The following ARID2 variants were observed in gnomAD, a reference collection of about 807,000 sequenced individuals.
The protein encoded by ARID2 is AT-rich interaction domain 2, also known as AT-rich interactive domain-containing protein 2.
In ARID2, 32 loss-of-function variants were observed where a neutral mutation model predicts 184.6. That is an observed-to-expected ratio of 0.17 (90% CI 0.13 to 0.23). The LOEUF (loss-of-function observed/expected upper bound fraction) is 0.23, where lower values mean the gene tolerates loss of function less well. Ranked by LOEUF, ARID2 falls within the 10% of genes least tolerant of loss-of-function variation. The pLI, the probability that ARID2 is intolerant of heterozygous loss-of-function variation, is 1.00. For missense variants in ARID2, 1,696 were observed against 2,197.6 expected, an observed-to-expected ratio of 0.77 and a Z score of 4.56; for synonymous variants, 836 against 772.6, an observed-to-expected ratio of 1.08 and a Z score of -1.36.
chr12:45,760,431 G>A (rs1391018767), intron 3 of ARID2, among the ~76,000 whole-genome samples: 4 of 152,054 alleles, frequency 2.6e-5, no homozygotes, highest in East Asian at 3.8e-4. Context: ...TGTTAACAAC[G>A]TCTAATTAGA....
chr12:45,897,794 A>G (rs1464758725), intron 20 of ARID2, among the ~76,000 whole-genome samples: 1 of 152,134 alleles, frequency 6.6e-6, no homozygotes, highest in East Asian at 1.9e-4. Context: ...AAAACAATTT[A>G]CTTATAGTAA....
chr12:45,865,206 TACA>T (rs746120288), intron 16 of ARID2, among the ~76,000 whole-genome samples: 8 of 152,264 alleles, frequency 5.3e-5, no homozygotes, highest in South Asian at 2.1e-4. Context: ...TTAGATTAAG[TACA>T]ACAAGGTTTT....
chr12:45,776,781 C>CTTT (rs745431917), intron 3 of ARID2, among the ~76,000 whole-genome samples: 16 of 112,430 alleles, frequency 1.4e-4, no homozygotes, highest in East Asian at 2.5e-4. Context: ...GAGATTCCGG[C>CTTT]TTTTTTTTTT....
At chr12:45,899,066 T>C (rs1457055908) in intron 20 of ARID2, among the ~76,000 whole-genome samples, 1 of 143,616 alleles carries the variant, frequency 7.0e-6, no homozygotes, top group Non-Finnish European at 1.5e-5. Flanking sequence ...GAGGTCAAGA[T>C]ATTGAGATCA....
At chr12:45,876,277 G>T (rs549484820) in intron 16 of ARID2, among the ~76,000 whole-genome samples, 8 of 152,220 alleles carry the variant, frequency 5.3e-5, no homozygotes, top group African/African-American at 1.7e-4. Flanking sequence ...TTGGCTGGGT[G>T]CAGTGGCTCA....
At chr12:45,756,737 C>T (rs922545219) in intron 3 of ARID2, among the ~76,000 whole-genome samples, 3 of 151,968 alleles carry the variant, frequency 2.0e-5, no homozygotes, top group African/African-American at 2.4e-5. Context: ...CAGGCTGAGG[C>T]GGGAGGATTG....
chr12:45,842,253 G>A (rs1034904888), intron 11 of ARID2: 20 of 146,828 alleles, frequency 1.4e-4, no homozygotes, highest in African/African-American at 3.3e-4. Context: ...AAAAAAATAC[G>A]TATATGTATA....
chr12:45,897,774 T>C (rs1944388652), intron 20 of ARID2, among the ~76,000 whole-genome samples: 1 of 152,080 alleles, frequency 6.6e-6, no homozygotes, highest in African/African-American at 2.4e-5. Context: ...TACTCAGTAT[T>C]ACAAAGGAAA....
At chr12:45,770,411 G>C (rs1469345004) in intron 3 of ARID2, among the ~76,000 whole-genome samples, 1 of 152,066 alleles carries the variant, frequency 6.6e-6, no homozygotes, top group Non-Finnish European at 1.5e-5. Context: ...CTGTCTACTT[G>C]TCCCACCTGG....
intron 8 of ARID2, 130 bp downstream of exon 8, chr12:45,837,121 A>G (rs1224357521): frequency 3.8e-5 from 49 of 1,282,088 alleles, no homozygotes; most frequent in Non-Finnish European, 5.1e-5. Context: ...AGTTGCTAAA[A>G]ATGGTGATGT....
At chr12:45,751,716 T>G (rs1941468388) in intron 3 of ARID2, among the ~76,000 whole-genome samples, 1 of 152,236 alleles carries the variant, frequency 6.6e-6, no homozygotes. Flanking sequence ...GGCCTGTTGC[T>G]TTAGGCTACA....
intron 6 of ARID2, among the ~76,000 whole-genome samples, chr12:45,821,711 TAAC>T (rs1277990141): frequency 6.6e-6 from 1 of 152,188 alleles, no homozygotes; most frequent in Non-Finnish European, 1.5e-5. Flanking sequence ...CTGTGAATAG[TAAC>T]AACAATAGCA....
chr12:45,874,433 G>A (rs1565633661), intron 16 of ARID2: 1 of 203,810 alleles, frequency 4.9e-6, no homozygotes, highest in Non-Finnish European at 9.9e-6. Context: ...TTTCAACAGT[G>A]TTCACAGCAT....
intron 20 of ARID2, among the ~76,000 whole-genome samples, chr12:45,899,681 T>TTATATATATATATGGTTA (rs1248358845): frequency 3.6e-5 from 2 of 54,818 alleles, no homozygotes; most frequent in Non-Finnish European, 8.4e-5. Context: ...TTATATATGG[T>TTATATATATATATGGTTA]TATATATATA....
chr12:45,805,969 T>G (rs1942593233), intron 3 of ARID2, among the ~76,000 whole-genome samples: 1 of 152,190 alleles, frequency 6.6e-6, no homozygotes, highest in Non-Finnish European at 1.5e-5. Flanking sequence ...TAACCATTTC[T>G]TAATTTTGTT....
At chr12:45,843,749 A>G (rs540827792) in intron 11 of ARID2, among the ~76,000 whole-genome samples, 1 of 152,324 alleles carries the variant, frequency 6.6e-6, no homozygotes, top group South Asian at 2.1e-4. Flanking sequence ...CTTCAAATAT[A>G]TTTTTGTGAA....
intron 16 of ARID2, among the ~76,000 whole-genome samples, chr12:45,883,181 G>C (rs1944132119): frequency 1.3e-5 from 2 of 151,802 alleles, no homozygotes; most frequent in Admixed American, 6.6e-5. Context: ...GTGTTCCTTA[G>C]GCCTTAACTA....
intron 16 of ARID2, among the ~76,000 whole-genome samples, chr12:45,867,704 C>T (rs181687955): frequency 4.6e-4 from 69 of 150,730 alleles, no homozygotes; most frequent in African/African-American, 1.6e-3. Flanking sequence ...GATCGCGCCA[C>T]TGCACTCTAG....
At chr12:45,795,418 C>A (rs941811799) in intron 3 of ARID2, among the ~76,000 whole-genome samples, 8 of 151,892 alleles carry the variant, frequency 5.3e-5, no homozygotes, top group Non-Finnish European at 1.5e-5. Flanking sequence ...CTTCCTCCGT[C>A]TTCCTTTTCT....
Sources: gnomAD v4.1 joint callset for allele counts (sites outside exome capture counted in the v4.1 genomes callset) on GRCh38, gnomAD v4.1.1 for gene constraint, MANE v1.5 for transcripts, NCBI Gene and HGNC (gene_info 2026-07-23, HGNC 2026-07-21) for gene names.